The following ZNRF1 variants were observed in gnomAD, a reference collection of about 807,000 sequenced individuals.
The protein encoded by ZNRF1 is E3 ubiquitin-protein ligase ZNRF1.
A neutral mutation model predicts 18.4 loss-of-function variants in ZNRF1; 3 were observed. The observed-to-expected ratio is 0.16, with a 90% CI of 0.07 to 0.42. The LOEUF (loss-of-function observed/expected upper bound fraction) is 0.42, where lower values mean the gene tolerates loss of function less well. ZNRF1 is among the 10% of genes least tolerant of loss of function. ZNRF1 has a pLI of 0.99. For missense variants in ZNRF1, 310 were observed against 329.8 expected (o/e 0.94, Z 0.47); for synonymous variants, 157 against 144.2 (o/e 1.09, Z -0.64).
chr16:75,090,136 T>C (rs2036118754), intron 1 of ZNRF1, among the ~76,000 whole-genome samples: 1 of 152,170 alleles, frequency 6.6e-6, no homozygotes, highest in African/African-American at 2.4e-5. Context: ...ACCTTGGTCT[T>C]TGGGGTTGAA....
chr16:75,057,688 C>T (rs1321551590), intron 1 of ZNRF1, among the ~76,000 whole-genome samples: 2 of 152,114 alleles, frequency 1.3e-5, no homozygotes, highest in African/African-American at 4.8e-5. Flanking sequence ...CCAGCTGGAG[C>T]GCAGTGGCAC....
Position 75,069,176 on chromosome 16 carries a change from G to GA in ZNRF1, c.425-24386dup, listed in dbSNP as rs1356627752. On this transcript the variant is annotated intron_variant, in intron 1 of 4. Coordinates refer to ENST00000335325, the MANE Select transcript of ZNRF1 (RefSeq NM_032268.5). ...GTGGCACTATTGCCTTTTCAGAAAA[G>GA]AAAAAAAAAAGGAAGGCAAGAAGAG... Among the ~76,000 whole-genome samples, 623 of 145,800 alleles carry GA rather than the reference G, an allele frequency of 4.3e-3. 6 individuals carry two copies. The highest frequency in any genetic ancestry group is 7.2e-3 in the Non-Finnish European group (472 of 65,934).
intron 1 of ZNRF1, among the ~76,000 whole-genome samples, chr16:75,020,080 ACTTCT>A (rs2035124649): frequency 6.6e-6 from 1 of 152,044 alleles, no homozygotes; most frequent in Non-Finnish European, 1.5e-5. Context: ...GAATTTGTGA[ACTTCT>A]CTTCATAATT....
intron 1 of ZNRF1, among the ~76,000 whole-genome samples, chr16:75,064,104 G>C (rs150469079): frequency 4.6e-5 from 7 of 152,018 alleles, no homozygotes; most frequent in Non-Finnish European, 8.8e-5. Context: ...TTTGAGACCA[G>C]CCTGGGGAAC....
At chr16:75,038,617 A>G (rs1476796563) in intron 1 of ZNRF1, among the ~76,000 whole-genome samples, 1 of 152,194 alleles carries the variant, frequency 6.6e-6, no homozygotes, top group Non-Finnish European at 1.5e-5. Flanking sequence ...TAGAAACATA[A>G]TTTACCACAG....
intron 1 of ZNRF1, among the ~76,000 whole-genome samples, chr16:75,015,853 C>T (rs1164029729): frequency 6.6e-6 from 1 of 152,106 alleles, no homozygotes; most frequent in Non-Finnish European, 1.5e-5. Flanking sequence ...ATGTGAATAA[C>T]CAGCTCTCTC....
intron 1 of ZNRF1, among the ~76,000 whole-genome samples, chr16:75,070,044 T>G (rs2035851344): frequency 6.6e-6 from 1 of 152,172 alleles, no homozygotes; most frequent in Admixed American, 6.5e-5. Context: ...CCTTTAAAAA[T>G]CCTTTTAATC....
rs987499500 is a variant in ZNRF1, at chr16:75,110,881, C to T, written c.*3181C>T. On this transcript the variant is annotated 3_prime_UTR_variant, in exon 5 of 5. Transcript: ENST00000335325. ...GGGCTGTCTCGGTGATGAGCACACG[C>T]GTGCTGGGGTGGTTTGGGGAGAGGG... The T allele has an allele frequency of 2.0e-5, 3 of 151,988 alleles. No individual in the cohort carries two copies. The highest frequency in any genetic ancestry group is 4.4e-5 in the Non-Finnish European group (3 of 68,068). 9.4% of individuals were successfully genotyped at this position (151,988 alleles called of 1,614,324 possible).
intron 1 of ZNRF1, 127 bp downstream of exon 1, chr16:75,000,222 G>T: frequency 7.6e-7 from 1 of 1,321,254 alleles, no homozygotes; most frequent in Non-Finnish European, 1.1e-6. Flanking sequence ...TTTGGTTCCC[G>T]ATGCCAAGGG....
chr16:75,010,952 G>C (rs1402935659), intron 1 of ZNRF1, among the ~76,000 whole-genome samples: 1 of 152,136 alleles, frequency 6.6e-6, no homozygotes, highest in East Asian at 1.9e-4. Context: ...CAAGTGATCC[G>C]CCCACCTTGG....
chr16:75,068,132 T>C (rs894132148), intron 1 of ZNRF1, among the ~76,000 whole-genome samples: 2 of 141,166 alleles, frequency 1.4e-5, no homozygotes, highest in African/African-American at 5.3e-5. Context: ...GGTGGGAGTA[T>C]CACTTGAGGC....
intron 1 of ZNRF1, among the ~76,000 whole-genome samples, chr16:75,039,945 A>G (rs2035421549): frequency 2.0e-5 from 3 of 152,108 alleles, no homozygotes. Context: ...TATAGTTGAC[A>G]TACCATAATA....
At chr16:75,095,714 C>T (rs1047603579) in intron 2 of ZNRF1, 2 of 1,547,650 alleles carry the variant, frequency 1.3e-6, no homozygotes, top group Non-Finnish European at 1.7e-6. Flanking sequence ...GGCCCAAATG[C>T]AGAGTTACCC....
At chr16:75,095,803 T>TCC in intron 2 of ZNRF1, 1 of 1,428,528 alleles carries the variant, frequency 7.0e-7, no homozygotes, top group Non-Finnish European at 9.3e-7. Flanking sequence ...CCACCATGTG[T>TCC]CCCCCTGTCC....
At chr16:75,033,155 C>T (rs201201555) in intron 1 of ZNRF1, among the ~76,000 whole-genome samples, 2 of 151,080 alleles carry the variant, frequency 1.3e-5, no homozygotes, top group East Asian at 3.9e-4. Context: ...GTCTTGAAAT[C>T]AAATATTATT....
At chr16:75,046,093 G>A (rs749167741) in intron 1 of ZNRF1, among the ~76,000 whole-genome samples, 2 of 151,162 alleles carry the variant, frequency 1.3e-5, no homozygotes, top group African/African-American at 4.9e-5. Context: ...TAGTAGAAAC[G>A]GGGTTTCACC....
At chr16:75,016,445 G>C (rs939178858) in intron 1 of ZNRF1, among the ~76,000 whole-genome samples, 1 of 151,786 alleles carries the variant, frequency 6.6e-6, no homozygotes, top group South Asian at 2.1e-4. Flanking sequence ...TCACCATGTT[G>C]GCCAGGCTGG....
At chr16:75,097,099 A>G (rs892387322) in intron 2 of ZNRF1, among the ~76,000 whole-genome samples, 11 of 152,270 alleles carry the variant, frequency 7.2e-5, no homozygotes, top group African/African-American at 2.6e-4. Context: ...GGTAAGATGG[A>G]TCAACCCGAA....
chr16:75,065,947 G>A (rs2035798096), intron 1 of ZNRF1, among the ~76,000 whole-genome samples: 1 of 152,186 alleles, frequency 6.6e-6, no homozygotes, highest in African/African-American at 2.4e-5. Flanking sequence ...TCCAAGTCCT[G>A]CACCTGTTGG....
Sources: allele counts gnomAD v4.1 joint callset (sites outside exome capture counted in the v4.1 genomes callset), GRCh38; gene constraint gnomAD v4.1.1; transcripts MANE v1.5; gene names NCBI Gene and HGNC (gene_info 2026-07-23, HGNC 2026-07-21).